SPIDR: variants seen among roughly 807,000 people sequenced by gnomAD.
SPIDR encodes DNA repair-scaffolding protein.
SPIDR carries 93 observed loss-of-function variants against 104.6 expected under a neutral mutation model. The ratio of observed to expected loss-of-function variants is 0.89; its 90% confidence interval spans 0.75 to 1.06. The LOEUF (loss-of-function observed/expected upper bound fraction) is 1.06. Among genes scored for constraint, SPIDR ranks in the 50% least tolerant of loss-of-function variants. SPIDR has a pLI of 0.00. For missense variants in SPIDR, 1,154 were observed against 1,111.2 expected (o/e 1.04, Z -0.55); for synonymous variants, 431 against 416.9 (o/e 1.03, Z -0.41).
chr8:47,498,410 T>C (rs1014457302), intron 8 of SPIDR, among the ~76,000 whole-genome samples: 1 of 152,186 alleles, frequency 6.6e-6, no homozygotes, highest in Admixed American at 6.6e-5. Context: ...CAAATCACCA[T>C]TTTTAAAAGC....
intron 7 of SPIDR, among the ~76,000 whole-genome samples, chr8:47,411,737 T>C (rs1588361099): frequency 6.6e-6 from 1 of 152,208 alleles, no homozygotes; most frequent in Non-Finnish European, 1.5e-5. Context: ...CCCATGCCCA[T>C]GTCCTGAATG....
At chr8:47,642,181 T>C (rs1331525857) in intron 10 of SPIDR, among the ~76,000 whole-genome samples, 2 of 152,134 alleles carry the variant, frequency 1.3e-5, no homozygotes, top group Non-Finnish European at 2.9e-5. Context: ...CCCAGCACTT[T>C]GGGAGGCCGA....
intron 8 of SPIDR, among the ~76,000 whole-genome samples, chr8:47,539,612 TTC>T (rs2087702679): frequency 6.6e-6 from 1 of 152,176 alleles, no homozygotes; most frequent in Non-Finnish European, 1.5e-5. Context: ...TTGACTGTTA[TTC>T]TGGTGTTTTT....
intron 10 of SPIDR, among the ~76,000 whole-genome samples, chr8:47,621,756 C>T (rs1486376626): frequency 6.6e-6 from 1 of 152,214 alleles, no homozygotes; most frequent in Non-Finnish European, 1.5e-5. Context: ...GGCAGATCAC[C>T]TGAGGTCAGG....
intron 5 of SPIDR, among the ~76,000 whole-genome samples, chr8:47,338,136 C>T (rs997876291): frequency 6.6e-6 from 1 of 152,172 alleles, no homozygotes; most frequent in Non-Finnish European, 1.5e-5. Flanking sequence ...GCCTGTAGGT[C>T]TCTTGCCTGT....
At chr8:47,447,266 C>T (rs782055355) in intron 8 of SPIDR, among the ~76,000 whole-genome samples, 1 of 152,082 alleles carries the variant, frequency 6.6e-6, no homozygotes, top group Non-Finnish European at 1.5e-5. Flanking sequence ...CAGGCTGAAG[C>T]GCAGTGGCAC....
At chr8:47,401,441 C>A (rs2061872583) in intron 6 of SPIDR, among the ~76,000 whole-genome samples, 1 of 152,128 alleles carries the variant, frequency 6.6e-6, no homozygotes, top group Admixed American at 6.5e-5. Flanking sequence ...GCAAAATAAC[C>A]AGCTAACATC....
At chr8:47,713,696 T>C (rs562320780) in intron 16 of SPIDR, 55 bp downstream of exon 16, 2 of 1,593,824 alleles carry the variant, frequency 1.3e-6, no homozygotes, top group Admixed American at 1.7e-5. Flanking sequence ...TGTTATACTT[T>C]ATATTCATTT....
chr8:47,612,177 C>T (rs983954690), intron 10 of SPIDR, among the ~76,000 whole-genome samples: 1 of 152,150 alleles, frequency 6.6e-6, no homozygotes, highest in African/African-American at 2.4e-5. Context: ...TTGATGCCTC[C>T]CAATGAAATC....
rs2076100788 is a variant in SPIDR at position 47,673,917 on chromosome 8, T to C, written c.1661T>C (p.Val554Ala). Residue 554 changes from valine to alanine, a missense_variant, in exon 11 of 20, where the codon GTT (valine) becomes GCT (alanine). By Grantham distance (64) the Val-to-Ala change is moderately conservative. Transcript: ENST00000297423. ...TCTTGCAGCCTGGTGGGAATGAAGGTTCTACAGAAAGTCACCAGAGGAAGG... is the reference window on the plus strand; with the variant it reads ...TCTTGCAGCCTGGTGGGAATGAAGGCTCTACAGAAAGTCACCAGAGGAAGG... ...GKSCSLVGMK[V>A]LQKVTRGRTA... 6.2e-7 allele frequency: 1 copy of C among 1,613,894 alleles called. No individual in the cohort carries two copies. Among genetic ancestry groups the C allele is most frequent in the African/African-American group, 1.3e-5 (1 of 74,900 alleles).
intron 11 of SPIDR, among the ~76,000 whole-genome samples, chr8:47,691,512 A>G (rs2078652543): frequency 6.6e-6 from 1 of 152,154 alleles, no homozygotes; most frequent in Non-Finnish European, 1.5e-5. Flanking sequence ...CACCAGAAGT[A>G]TTACTGAAAT....
intron 8 of SPIDR, among the ~76,000 whole-genome samples, chr8:47,461,769 A>G (rs1308714311): frequency 6.7e-6 from 1 of 149,684 alleles, no homozygotes; most frequent in East Asian, 2.0e-4. Context: ...TGAAGTTGTG[A>G]TTTTTTTTTA....
rs1477925491 is a variant in SPIDR, at chr8:47,712,656, T to G, written c.1978-6T>G. On this transcript the variant is annotated splice_region_variant and splice_polypyrimidine_tract_variant and intron_variant, in intron 14 of 19. Transcript: ENST00000297423. ...AATTAATCTTTATTGTGTCTTCAAA[T>G]TGTAGCTGAAGAGTCTGCTGCTTCT... 6.2e-7 allele frequency: 1 copy of G among 1,611,748 alleles called. No homozygotes were observed. The highest frequency in any genetic ancestry group is 8.5e-7 in the Non-Finnish European group (1 of 1,178,904).
chr8:47,593,739 G>A lies in SPIDR; in HGVS notation c.1098-2072G>A, dbSNP rs1454528631. 2.6e-5 allele frequency among the ~76,000 whole-genome samples: 4 copies of A among 152,334 alleles called. No individual in the cohort carries two copies. In the East Asian group the frequency reaches 7.7e-4, roughly 29 times the overall value. On this transcript the variant is annotated intron_variant, in intron 8 of 19. Coordinates refer to ENST00000297423, the MANE Select transcript of SPIDR (RefSeq NM_001080394.4). ...CAGGTTCCTCAGTTGACAGTTGAGA[G>A]AGGGAGAGACTCCTTGTTCCTGCTG...
chr8:47,452,982 T>C (rs1461677541), intron 8 of SPIDR, among the ~76,000 whole-genome samples: 1 of 152,178 alleles, frequency 6.6e-6, no homozygotes, highest in African/African-American at 2.4e-5. Context: ...CAGCCCAAGA[T>C]CTCCTCAAGC....
intron 8 of SPIDR, among the ~76,000 whole-genome samples, chr8:47,556,165 G>A (rs186648380): frequency 7.9e-5 from 12 of 152,298 alleles, no homozygotes; most frequent in African/African-American, 2.9e-4. Context: ...GAATTAGCCT[G>A]TAGGCCTAGC....
At chr8:47,425,527 C>T (rs936471911) in intron 7 of SPIDR, among the ~76,000 whole-genome samples, 2 of 152,160 alleles carry the variant, frequency 1.3e-5, no homozygotes, top group Non-Finnish European at 2.9e-5. Flanking sequence ...TGTCTAGTTT[C>T]TCAGCCAGAA....
intron 10 of SPIDR, among the ~76,000 whole-genome samples, chr8:47,601,033 A>T (rs1346034613): frequency 6.6e-6 from 1 of 152,236 alleles, no homozygotes; most frequent in Non-Finnish European, 1.5e-5. Context: ...CTAGAAGCTA[A>T]AATCTGGTGA....
At chr8:47,531,469 C>A (rs1248504542) in intron 8 of SPIDR, among the ~76,000 whole-genome samples, 3 of 152,142 alleles carry the variant, frequency 2.0e-5, no homozygotes, top group African/African-American at 7.2e-5. Flanking sequence ...TGGTTTGTTG[C>A]TTTATCATCA....
Sources: allele counts gnomAD v4.1 joint callset (sites outside exome capture counted in the v4.1 genomes callset), GRCh38; gene constraint gnomAD v4.1.1; transcripts MANE v1.5; gene names NCBI Gene and HGNC (gene_info 2026-07-23, HGNC 2026-07-21).